The following FRY variants were observed in gnomAD, a reference collection of about 807,000 sequenced individuals.
FRY encodes FRY microtubule binding protein, also known as protein furry homolog.
FRY carries 128 observed loss-of-function variants against 348.4 expected under a neutral mutation model. That is an observed-to-expected ratio of 0.37 (90% confidence interval 0.32 to 0.43). The LOEUF is 0.43. FRY is among the 20% of genes least tolerant of loss of function. The pLI, the probability that FRY is intolerant of heterozygous loss-of-function variation, is 1.00. For synonymous variants in FRY, 1,370 were observed against 1,374.7 expected (o/e 1.00, Z 0.08); for missense variants, 2,736 against 3,695.2 (o/e 0.74, Z 6.73).
intron 31 of FRY, among the ~76,000 whole-genome samples, chr13:32,205,750 A>G (rs1884316748): frequency 6.6e-6 from 1 of 152,098 alleles, no homozygotes; most frequent in African/African-American, 2.4e-5. Flanking sequence ...GGGAGTATCA[A>G]GATTAGAATG....
chr13:32,143,687 T>C (rs1290212919), intron 11 of FRY, among the ~76,000 whole-genome samples: 4 of 152,192 alleles, frequency 2.6e-5, no homozygotes, highest in African/African-American at 9.7e-5. Context: ...CTGTTATATA[T>C]ATCTTAAAAA....
At chr13:32,254,573 C>G (rs752874537) in intron 51 of FRY, among the ~76,000 whole-genome samples, 179 bp downstream of exon 51, 1 of 152,148 alleles carries the variant, frequency 6.6e-6, no homozygotes, top group Non-Finnish European at 1.5e-5. Flanking sequence ...AAAGTTACCA[C>G]ACCCTTCCTG....
intron 2 of FRY, among the ~76,000 whole-genome samples, chr13:32,080,362 T>A (rs1156774318): frequency 6.6e-6 from 1 of 152,236 alleles, no homozygotes; most frequent in Non-Finnish European, 1.5e-5. Context: ...TTACCTCCTT[T>A]AATCTTCACA....
intron 1 of FRY, among the ~76,000 whole-genome samples, chr13:32,069,124 C>G (rs1028395142): frequency 6.6e-6 from 1 of 152,008 alleles, no homozygotes; most frequent in Non-Finnish European, 1.5e-5. Context: ...ACTGTGTTAG[C>G]CAGGATGGTC....
intron 40 of FRY, among the ~76,000 whole-genome samples, chr13:32,229,363 C>T (rs1885784329): frequency 6.6e-6 from 1 of 152,194 alleles, no homozygotes; most frequent in Non-Finnish European, 1.5e-5. Flanking sequence ...GAAATCTACT[C>T]TGTGTATGTG....
At chr13:32,043,381 A>G (rs1194022858) in intron 1 of FRY, among the ~76,000 whole-genome samples, 2 of 152,224 alleles carry the variant, frequency 1.3e-5, no homozygotes, top group Non-Finnish European at 2.9e-5. Context: ...ATAGCATTGC[A>G]TTAAGGGCAA....
chr13:32,162,846 G>A (rs1178673999), intron 17 of FRY, among the ~76,000 whole-genome samples: 1 of 152,110 alleles, frequency 6.6e-6, no homozygotes, highest in Non-Finnish European at 1.5e-5. Flanking sequence ...CACAATATGA[G>A]TGAAGAGTAC....
intron 2 of FRY, among the ~76,000 whole-genome samples, chr13:32,096,438 G>GGA (rs1555252429): frequency 7.7e-6 from 1 of 129,532 alleles, no homozygotes; most frequent in African/African-American, 3.2e-5. Flanking sequence ...GGAAAACTGC[G>GGA]GGGGGGGGCT....
rs1236078748 is a variant in FRY at position 32,295,776 on chromosome 13, C to G, written c.*316C>G. 1 of 364,578 alleles carries G rather than the reference C, an allele frequency of 2.7e-6. No individual in the cohort carries two copies. The highest frequency in any genetic ancestry group is 5.0e-6 in the Non-Finnish European group (1 of 199,832). 22.6% of individuals were successfully genotyped at this position (364,578 alleles called of 1,614,324 possible). On this transcript the variant is annotated 3_prime_UTR_variant, in exon 61 of 61. Transcript: ENST00000542859. ...GCATACCAAAGCCGACTACACTGAA[C>G]AGTACCTTCCTTTCTAGAAACAATT... is the stretch of plus-strand genomic sequence containing the variant.
Position 32,178,024 on chromosome 13 carries a change from T to G in FRY, c.2422-153T>G, listed in dbSNP as rs189833628. Among the ~76,000 whole-genome samples, 6 of 152,312 alleles carry G rather than the reference T, an allele frequency of 3.9e-5. No homozygotes were observed. In the East Asian group the frequency reaches 1.2e-3, roughly 29 times the overall value. On this transcript the variant is annotated intron_variant, in intron 20 of 60. Coordinates refer to ENST00000542859, the MANE Select transcript of FRY (RefSeq NM_023037.3). ...CTGATGACCACACACCAAGGTCAAA[T>G]GTGGTAGGTGCAGGATTGGTGTTTC...
intron 58 of FRY, among the ~76,000 whole-genome samples, chr13:32,284,320 A>G (rs903220051): frequency 3.3e-5 from 5 of 152,266 alleles, no homozygotes; most frequent in Non-Finnish European, 7.3e-5. Context: ...TACATAATCT[A>G]TGAATGAGAA....
chr13:32,078,775 C>A, intron 1 of FRY, 59 bp from the exon 2 acceptor site: 2 of 1,191,398 alleles, frequency 1.7e-6, no homozygotes, highest in East Asian at 4.7e-5. Context: ...TTAACACAGT[C>A]CATCTGAATA....
rs374517367 is a variant in FRY at position 32,225,085 on chromosome 13, C to T, written c.5020+49C>T. 470 of 1,002,910 alleles carry T rather than the reference C, an allele frequency of 4.7e-4. 2 individuals carry two copies. Among genetic ancestry groups the T allele is most frequent in the South Asian group, 2.6e-3 (202 of 78,932 alleles). 62.1% of individuals were successfully genotyped at this position (1,002,910 alleles called of 1,614,324 possible). A position where few individuals can be genotyped will look rare whatever the true frequency, so the allele number is the denominator to read the frequency against. Reference sequence around the variant, plus strand: ...TCTAGCCAATCGGGTTAAAAATATACAGAAGTAATCCGTAGAGATTTCCTT... The same window carrying T: ...TCTAGCCAATCGGGTTAAAAATATATAGAAGTAATCCGTAGAGATTTCCTT... On this transcript the variant is annotated intron_variant, in intron 38 of 60. Coordinates refer to ENST00000542859, the MANE Select transcript of FRY (RefSeq NM_023037.3).
chr13:32,208,733 G>A (rs567460380), intron 31 of FRY, 120 bp from the exon 32 acceptor site: 13 of 1,201,616 alleles, frequency 1.1e-5, no homozygotes, highest in Non-Finnish European at 1.3e-5. Flanking sequence ...GGGAGCTCCT[G>A]TATGTGAAAA....
chr13:32,068,428 T>C (rs886897538), intron 1 of FRY, among the ~76,000 whole-genome samples: 7 of 152,208 alleles, frequency 4.6e-5, no homozygotes, highest in Admixed American at 2.0e-4. Context: ...GAAATGTCAA[T>C]GTAACCTCAT....
chr13:32,262,452 C>G lies in FRY; in HGVS notation c.7756C>G (p.Leu2586Val), dbSNP rs765472808. 8 of 1,613,350 alleles carry G rather than the reference C, an allele frequency of 5.0e-6. No individual in the cohort carries two copies. Among genetic ancestry groups the G allele is most frequent in the Non-Finnish European group, 6.8e-6 (8 of 1,179,330 alleles). ...FDASLPDMNNLQISEGSKAEA... is the reference protein window; with the variant it reads ...FDASLPDMNNVQISEGSKAEA... ...TGCTTCCTTGCCTGATATGAATAAT[C>G]TGCAGATTTCTGAGGGTTCAAAGGT... is the stretch of plus-strand genomic sequence containing the variant. Residue 2586 changes from leucine to valine, a missense_variant, in exon 53 of 61, where the codon CTG becomes GTG. Physicochemically the swap from Leu to Val is conservative, Grantham distance 32 (BLOSUM62 1). Coordinates refer to ENST00000542859, the MANE Select transcript of FRY (RefSeq NM_023037.3).
chr13:32,194,200 A>G lies in FRY; in HGVS notation c.3649A>G (p.Ile1217Val), dbSNP rs1883536501. 1.2e-6 allele frequency: 2 copies of G among 1,613,950 alleles called. No individual in the cohort carries two copies. Among genetic ancestry groups the G allele is most frequent in the Admixed American group, 1.7e-5 (1 of 60,008 alleles). ...VLLLELNPDQ[I>V]NLFNWAIDRC... ...GCTACTGGAACTTAATCCTGACCAAATAAATCTTTTTAACTGGGCAATTGA... is the reference window on the plus strand; with the variant it reads ...GCTACTGGAACTTAATCCTGACCAAGTAAATCTTTTTAACTGGGCAATTGA... Residue 1217 changes from isoleucine to valine, a missense_variant, in exon 29 of 61, where the codon ATA becomes GTA. Ile to Val is a conservative substitution (Grantham distance 29). Around this residue, in one of 9 missense-constraint regions of FRY, gnomAD observed 794 missense variants for 977.0 expected, o/e 0.81. Coordinates refer to ENST00000542859, the MANE Select transcript of FRY (RefSeq NM_023037.3).
chr13:32,279,337 G>A lies in FRY; in HGVS notation c.8469+789G>A, dbSNP rs533865030. On this transcript the variant is annotated intron_variant, in intron 58 of 60. Transcript: ENST00000542859. ...GAAGAGGAGTGGGCCTGTAGTCTGCGTAAGGGCCCGGAGGCAGGGGAACCA... is the reference window on the plus strand; with the variant it reads ...GAAGAGGAGTGGGCCTGTAGTCTGCATAAGGGCCCGGAGGCAGGGGAACCA... Among the ~76,000 whole-genome samples the A allele has an allele frequency of 1.5e-4, 23 of 152,312 alleles. No homozygotes were observed. The South Asian group carries it at 4.1e-3, about 27-fold the overall frequency.
intron 2 of FRY, among the ~76,000 whole-genome samples, chr13:32,096,659 CACGTGCCTG>C (rs1474823472): frequency 3.3e-5 from 5 of 151,920 alleles, no homozygotes; most frequent in Non-Finnish European, 5.9e-5. Context: ...GGCATGGTGG[CACGTGCCTG>C]TAATCCCACC....
Sources: gnomAD v4.1 joint callset for allele counts (sites outside exome capture counted in the v4.1 genomes callset) on GRCh38, gnomAD v4.1.1 for gene constraint, gnomAD v4.1.1 regional missense constraint, MANE v1.5 for transcripts, NCBI Gene and HGNC (gene_info 2026-07-23, HGNC 2026-07-21) for gene names.